STARD9: variants seen among roughly 807,000 people sequenced by gnomAD.
STARD9 encodes the protein StAR related lipid transfer domain containing 9, also known as stAR-related lipid transfer protein 9.
A neutral mutation model predicts 399.8 loss-of-function variants in STARD9; 346 were observed. The observed-to-expected ratio is 0.87, with a 90% CI of 0.79 to 0.95. The LOEUF is 0.95. Among genes scored for constraint, STARD9 ranks in the 40% least tolerant of loss-of-function variants. The pLI is 0.00. For missense variants in STARD9, 5,832 were observed against 5,667.5 expected, an observed-to-expected ratio of 1.03 and a Z score of -0.93; for synonymous variants, 2,203 against 2,143.5, an observed-to-expected ratio of 1.03 and a Z score of -0.77.
intron 26 of STARD9, among the ~76,000 whole-genome samples, chr15:42,715,760 G>C (rs1416896000): frequency 1.3e-5 from 2 of 152,122 alleles, no homozygotes; most frequent in Admixed American, 6.5e-5. Context: ...CTACCGCCTT[G>C]GCCTCCCAAA....
intron 3 of STARD9, among the ~76,000 whole-genome samples, chr15:42,599,625 C>T (rs1233016065): frequency 6.6e-6 from 1 of 152,228 alleles, no homozygotes; most frequent in African/African-American, 2.4e-5. Context: ...AGTTAATGCT[C>T]TTTGGATACA....
chr15:42,674,055 T>C, intron 16 of STARD9: 1 of 448,378 alleles, frequency 2.2e-6, no homozygotes, highest in South Asian at 1.6e-5. Flanking sequence ...CCTTTGCCCC[T>C]TAGGGAAAAG....
At chr15:42,675,073 C>A in intron 18 of STARD9, 109 bp downstream of exon 18, 1 of 1,191,356 alleles carries the variant, frequency 8.4e-7, no homozygotes, top group Non-Finnish European at 1.1e-6. Context: ...ATCACCCAGC[C>A]TCTGCACCCT....
Position 42,689,521 on chromosome 15 carries a change from A to C in STARD9, c.7943A>C (p.Glu2648Ala). The change falls in exon 23 of 33, where the codon GAA becomes GCA. Residue 2648 changes from glutamate (E) to alanine (A), a missense_variant. Coordinates refer to ENST00000290607, the MANE Select transcript of STARD9 (RefSeq NM_020759.3). ...ACATCTCTGTCTGCAGACAGCTTTG[A>C]ATCTCTGCCCAATACGGAAACTGAC... Reference protein sequence around the residue: ...QATSLSADSFESLPNTETDRE... With the variant: ...QATSLSADSFASLPNTETDRE... The C allele has an allele frequency of 4.6e-6, 7 of 1,537,224 alleles. No individual in the cohort carries two copies. The highest frequency in any genetic ancestry group is 6.1e-6 in the Non-Finnish European group (7 of 1,146,930).
At chr15:42,632,783 A>AG (rs1426691021) in intron 3 of STARD9, among the ~76,000 whole-genome samples, 1 of 152,032 alleles carries the variant, frequency 6.6e-6, no homozygotes, top group African/African-American at 2.4e-5. Flanking sequence ...TTGAAGCTGC[A>AG]GTAAGCTATG....
rs1351297021 is a variant in STARD9, at chr15:42,675,900, C to T, written c.1799C>T (p.Ser600Leu). 2.0e-6 allele frequency: 3 copies of T among 1,537,168 alleles called. No individual in the cohort carries two copies. The highest frequency in any genetic ancestry group is 1.2e-5 in the South Asian group (1 of 84,054). Reference protein sequence around the residue: ...QVGEAAAGRGSLEWLDLDGDL... With the variant: ...QVGEAAAGRGLLEWLDLDGDL... Reference sequence around the variant, plus strand: ...GGAGAGGCTGCTGCTGGTCGTGGCTCGTTGGAGTGGCTGGATTTGGATGGA... The same window carrying T: ...GGAGAGGCTGCTGCTGGTCGTGGCTTGTTGGAGTGGCTGGATTTGGATGGA... Residue 600 changes from serine (S) to leucine (L), a missense_variant, in exon 20 of 33, where the codon TCG becomes TTG. Coordinates refer to ENST00000290607, the MANE Select transcript of STARD9 (RefSeq NM_020759.3).
intron 17 of STARD9, 32 bp downstream of exon 17, chr15:42,674,523 T>C (rs1330907062): frequency 1.3e-6 from 2 of 1,529,786 alleles, no homozygotes; most frequent in African/African-American, 1.4e-5. Flanking sequence ...TCCAGCATTT[T>C]GGGGCTAGTA....
rs1296136110 is a variant in STARD9, at chr15:42,690,439, G to T, written c.8861G>T (p.Arg2954Leu). ...RGKESRTLPCRQPCSSQPVAT... is the reference protein window; with the variant it reads ...RGKESRTLPCLQPCSSQPVAT... ...AAAGAGAGCAGAACTCTTCCTTGCC[G>T]ACAGCCATGCAGTTCTCAACCTGTT... Residue 2954 changes from arginine to leucine, a missense_variant, in exon 23 of 33, where the codon CGA becomes CTA. Arg to Leu is a moderately radical substitution (Grantham distance 102). Coordinates refer to ENST00000290607, the MANE Select transcript of STARD9 (RefSeq NM_020759.3). 3.9e-6 allele frequency: 6 copies of T among 1,537,044 alleles called. No homozygotes were observed. Among genetic ancestry groups the T allele is most frequent in the Non-Finnish European group, 5.2e-6 (6 of 1,146,904 alleles).
At chr15:42,607,870 G>T (rs1054495055) in intron 3 of STARD9, among the ~76,000 whole-genome samples, 9 of 152,052 alleles carry the variant, frequency 5.9e-5, no homozygotes, top group Non-Finnish European at 1.3e-4. Context: ...GCTCCGTTAG[G>T]ATTTTTAGAG....
chr15:42,685,689 G>T lies in STARD9; in HGVS notation c.4111G>T (p.Gly1371Trp), dbSNP rs2060536931. 1 of 1,537,380 alleles carries T rather than the reference G, an allele frequency of 6.5e-7. No individual in the cohort carries two copies. Among genetic ancestry groups the T allele is most frequent in the Admixed American group, 2.0e-5 (1 of 50,994 alleles). The change falls in exon 23 of 33, where the codon GGG becomes TGG. Residue 1371 changes from glycine to tryptophan, a missense_variant. Gly to Trp is a radical substitution (Grantham distance 184, BLOSUM62 -2). Around this residue, in one of 2 missense-constraint regions of STARD9, gnomAD observed 5,828 missense variants for 5,651.1 expected, o/e 1.03. Coordinates refer to ENST00000290607, the MANE Select transcript of STARD9 (RefSeq NM_020759.3). ...PDMQEFHSCK[G>W]ERPGYWPNTE... Reference sequence around the variant, plus strand: ...TATGCAGGAATTTCACTCCTGTAAGGGGGAGAGGCCTGGATACTGGCCAAA... The same window carrying T: ...TATGCAGGAATTTCACTCCTGTAAGTGGGAGAGGCCTGGATACTGGCCAAA...
intron 26 of STARD9, among the ~76,000 whole-genome samples, chr15:42,715,078 CA>C (rs111810960): frequency 0.35 from 47,317 of 134,206 alleles, 10,422 homozygotes; most frequent in African/African-American, 0.64. Flanking sequence ...GATGTATCAA[CA>C]AAAAAAAAAA....
At chr15:42,704,130 C>G (rs537589910) in intron 26 of STARD9, among the ~76,000 whole-genome samples, 101 of 152,112 alleles carry the variant, frequency 6.6e-4, no homozygotes, top group Admixed American at 6.5e-3. Flanking sequence ...AGGCTGGTCT[C>G]GAACTCCTGA....
Position 42,685,502 on chromosome 15 carries a change from ACAGGTAGAGC to A in STARD9, c.3927_3936del (p.Val1310AlafsTer20), listed in dbSNP as rs1420594007. On this transcript the variant is annotated frameshift_variant, in exon 23 of 33. Coordinates refer to ENST00000290607, the MANE Select transcript of STARD9 (RefSeq NM_020759.3). LOFTEE classifies it high-confidence loss of function. ...AGCCCCATTGTGAGCAGGCTGAATC[ACAGGTAGAGC>A]CAAGCTACTCTGAACAAGCCGACTC... 7 of 1,536,178 alleles carry A rather than the reference ACAGGTAGAGC, an allele frequency of 4.6e-6. No homozygotes were observed. Among genetic ancestry groups the A allele is most frequent in the Non-Finnish European group, 6.1e-6 (7 of 1,146,356 alleles).
At chr15:42,648,730 A>C (rs916533271) in intron 7 of STARD9, among the ~76,000 whole-genome samples, 3 of 152,066 alleles carry the variant, frequency 2.0e-5, no homozygotes, top group African/African-American at 7.2e-5. Context: ...AGTTTTGGAA[A>C]GTTCTTAGCC....
At chr15:42,715,419 C>G (rs958898913) in intron 26 of STARD9, among the ~76,000 whole-genome samples, 2 of 152,098 alleles carry the variant, frequency 1.3e-5, no homozygotes, top group African/African-American at 4.8e-5. Context: ...GGGGCTCACG[C>G]CTGTAATCCC....
intron 9 of STARD9, among the ~76,000 whole-genome samples, chr15:42,657,969 C>T (rs1555398686): frequency 2.6e-5 from 4 of 152,156 alleles, no homozygotes; most frequent in Admixed American, 6.5e-5. Flanking sequence ...AAAGTTAACT[C>T]ATATTGAATC....
At chr15:42,660,856 A>G (rs185807831) in intron 9 of STARD9, among the ~76,000 whole-genome samples, 4 of 152,182 alleles carry the variant, frequency 2.6e-5, no homozygotes, top group Admixed American at 1.3e-4. Flanking sequence ...GGTAAATTGT[A>G]CTGAAATTTC....
At chr15:42,634,671 G>A (rs953291390) in intron 3 of STARD9, among the ~76,000 whole-genome samples, 185 bp from the exon 4 acceptor site, 2 of 152,098 alleles carry the variant, frequency 1.3e-5, no homozygotes, top group Admixed American at 6.6e-5. Context: ...AAATTTGACC[G>A]GCTGAATGAA....
At chr15:42,615,033 G>A (rs1415567834) in intron 3 of STARD9, among the ~76,000 whole-genome samples, 2 of 137,428 alleles carry the variant, frequency 1.5e-5, no homozygotes, top group South Asian at 2.4e-4. Context: ...TTTTTTCCAG[G>A]AGTCTTGCTC....
Sources: allele counts gnomAD v4.1 joint callset (sites outside exome capture counted in the v4.1 genomes callset), GRCh38; gene constraint gnomAD v4.1.1; regional missense constraint gnomAD v4.1.1; transcripts MANE v1.5; gene names NCBI Gene and HGNC (gene_info 2026-07-23, HGNC 2026-07-21).